SNX6: variants seen among roughly 807,000 people sequenced by gnomAD.
The protein encoded by SNX6 is sorting nexin 6, also known as sorting nexin-6.
SNX6 carries 34 observed loss-of-function variants against 63.0 expected under a neutral mutation model. That is an observed-to-expected ratio of 0.54 (90% CI 0.41 to 0.72). The LOEUF is 0.72. Among genes scored for constraint, SNX6 ranks in the 30% least tolerant of loss-of-function variants. The pLI is 0.00. For synonymous variants in SNX6, 170 were observed against 164.2 expected (o/e 1.04, Z -0.27); for missense variants, 398 against 471.4 (o/e 0.84, Z 1.44).
chr14:34,563,271 G>T, intron 13 of SNX6, 96 bp from the exon 14 acceptor site: 1 of 1,249,666 alleles, frequency 8.0e-7, no homozygotes, highest in Non-Finnish European at 1.1e-6. Flanking sequence ...AAAATATAGT[G>T]TTAGAAGCCG....
intron 13 of SNX6, among the ~76,000 whole-genome samples, chr14:34,566,366 C>T (rs531456641): frequency 5.1e-4 from 77 of 152,294 alleles, no homozygotes; most frequent in Admixed American, 2.0e-4. Flanking sequence ...GCGCCCACCA[C>T]CACGCCCAGC....
rs1372734051 is a variant in SNX6 at position 34,562,409 on chromosome 14, A to G, written c.*713T>C. 2.0e-5 allele frequency: 3 copies of G among 152,606 alleles called. No homozygotes were observed. Among genetic ancestry groups the G allele is most frequent in the African/African-American group, 7.2e-5 (3 of 41,474 alleles). The allele number at this position is 152,606 out of a possible 1,614,324, so 9.5% of individuals were successfully genotyped here. A position where few individuals can be genotyped will look rare whatever the true frequency, so the allele number is the denominator to read the frequency against. On this transcript the variant is annotated 3_prime_UTR_variant, in exon 14 of 14. Transcript: ENST00000362031. Reference sequence around the variant, plus strand: ...AAAACTAAGACCTGCACTGTAAAGCATAATACAGGAGTAGATTTATTACAG... The same window carrying G: ...AAAACTAAGACCTGCACTGTAAAGCGTAATACAGGAGTAGATTTATTACAG...
chr14:34,566,914 T>C (rs1298145781), intron 13 of SNX6, among the ~76,000 whole-genome samples: 1 of 150,954 alleles, frequency 6.6e-6, no homozygotes, highest in South Asian at 2.1e-4. Flanking sequence ...TAAAACATAA[T>C]TAAATAAATA....
chr14:34,617,581 C>T (rs141516492), intron 2 of SNX6, among the ~76,000 whole-genome samples: 2,863 of 139,594 alleles, frequency 0.021, 95 homozygotes, highest in African/African-American at 0.07. Flanking sequence ...GCATTCCAGC[C>T]TGGGTGACAG....
intron 3 of SNX6, among the ~76,000 whole-genome samples, chr14:34,609,180 A>G (rs919889194): frequency 7.2e-5 from 11 of 152,150 alleles, no homozygotes; most frequent in East Asian, 3.9e-4. Flanking sequence ...TTCTCAGAAT[A>G]TTAATCTAAA....
intron 11 of SNX6, among the ~76,000 whole-genome samples, chr14:34,574,890 TTTA>T (rs1013995635): frequency 1.3e-5 from 2 of 151,760 alleles, no homozygotes; most frequent in Admixed American, 6.6e-5. Flanking sequence ...TTTGTTTTTA[TTTA>T]TTATTATTAT....
chr14:34,573,344 G>A (rs549593538), intron 11 of SNX6, among the ~76,000 whole-genome samples: 1 of 152,170 alleles, frequency 6.6e-6, no homozygotes, highest in East Asian at 1.9e-4. Flanking sequence ...GGAGGCTGAG[G>A]CTGGTGGATC....
At chr14:34,593,220 A>C in intron 7 of SNX6, 70 bp from the exon 8 acceptor site, 3 of 886,730 alleles carry the variant, frequency 3.4e-6, no homozygotes, top group Non-Finnish European at 3.4e-6. Context: ...AATAACTATC[A>C]TTATAAATAT....
intron 2 of SNX6, among the ~76,000 whole-genome samples, chr14:34,620,805 G>C (rs1387800466): frequency 6.6e-6 from 1 of 152,034 alleles, no homozygotes; most frequent in Non-Finnish European, 1.5e-5. Context: ...GTTGGGCGTG[G>C]TGGTGCATGC....
At chr14:34,589,634 T>C (rs1208662312) in intron 8 of SNX6, among the ~76,000 whole-genome samples, 1 of 151,636 alleles carries the variant, frequency 6.6e-6, no homozygotes, top group Non-Finnish European at 1.5e-5. Context: ...GAGACCAGCC[T>C]GGGCAATATG....
At chr14:34,601,459 C>T (rs978990809) in intron 6 of SNX6, among the ~76,000 whole-genome samples, 4 of 152,100 alleles carry the variant, frequency 2.6e-5, no homozygotes, top group South Asian at 2.1e-4. Flanking sequence ...CTCCTGACCT[C>T]GTGATCCGCC....
rs552579594 is a variant in SNX6, at chr14:34,605,413, T to C, written c.392+183A>G. 3.6e-5 allele frequency: 15 copies of C among 416,874 alleles called. No homozygotes were observed. In the South Asian group the frequency reaches 5.7e-4, roughly 16 times the overall value. The allele number at this position is 416,874 out of a possible 1,614,324, so 25.8% of individuals were successfully genotyped here. The stretch of plus-strand genomic sequence containing the variant: ...CTTTACAGTGGAAACAATTATTCTA[T>C]AATTTTCCTGTAGGCTCTGATCATG... On this transcript the variant is annotated intron_variant, in intron 5 of 13. Coordinates refer to ENST00000362031, the MANE Select transcript of SNX6 (RefSeq NM_152233.4).
At chr14:34,623,120 C>T (rs373962986) in intron 2 of SNX6, among the ~76,000 whole-genome samples, 1 of 152,120 alleles carries the variant, frequency 6.6e-6, no homozygotes, top group Non-Finnish European at 1.5e-5. Context: ...TCTTTTTAAT[C>T]CTCAGCCAAC....
intron 2 of SNX6, among the ~76,000 whole-genome samples, chr14:34,625,578 C>T (rs1243249136): frequency 1.3e-5 from 2 of 151,874 alleles, no homozygotes; most frequent in Non-Finnish European, 2.9e-5. Flanking sequence ...ACTAAAAATA[C>T]AAAAAAATTA....
At chr14:34,595,745 G>A (rs1882570637) in intron 7 of SNX6, among the ~76,000 whole-genome samples, 1 of 139,278 alleles carries the variant, frequency 7.2e-6, no homozygotes, top group Non-Finnish European at 1.6e-5. Context: ...AAATCAAATA[G>A]TACTCTACAC....
intron 8 of SNX6, among the ~76,000 whole-genome samples, chr14:34,591,575 G>A (rs918760682): frequency 5.3e-5 from 8 of 151,970 alleles, no homozygotes; most frequent in Non-Finnish European, 1.0e-4. Flanking sequence ...ACTCCAGCCT[G>A]GGCAACAGAG....
At chr14:34,579,805 T>C (rs1186077461) in intron 10 of SNX6, among the ~76,000 whole-genome samples, 5 of 145,262 alleles carry the variant, frequency 3.4e-5, no homozygotes, top group African/African-American at 7.7e-5. Context: ...CTGGGCAACA[T>C]AGCAAGACCC....
chr14:34,618,906 T>C (rs1420427098), intron 2 of SNX6, among the ~76,000 whole-genome samples: 1 of 152,134 alleles, frequency 6.6e-6, no homozygotes. Context: ...CCTAATATAC[T>C]TTACTTTTTA....
intron 2 of SNX6, among the ~76,000 whole-genome samples, chr14:34,618,364 A>AG (rs112034794): frequency 0.37 from 55,848 of 151,526 alleles, 15,105 homozygotes; most frequent in African/African-American, 0.77. Flanking sequence ...CTTTTTGGGG[A>AG]GGGGGGGATG....
Sources: gnomAD v4.1 joint callset for allele counts (sites outside exome capture counted in the v4.1 genomes callset) on GRCh38, gnomAD v4.1.1 for gene constraint, MANE v1.5 for transcripts, NCBI Gene and HGNC (gene_info 2026-07-23, HGNC 2026-07-21) for gene names.